RALYL: variants seen among roughly 807,000 people sequenced by gnomAD.
The protein encoded by RALYL is RNA-binding Raly-like protein.
In RALYL, 29 loss-of-function variants were observed where a neutral mutation model predicts 35.1. That is an observed-to-expected ratio of 0.83 (90% CI 0.61 to 1.13). The LOEUF (loss-of-function observed/expected upper bound fraction) is 1.13, where lower values mean the gene tolerates loss of function less well. Among genes scored for constraint, RALYL ranks in the 50% most tolerant of loss-of-function variants. The pLI, the probability that RALYL is intolerant of heterozygous loss-of-function variation, is 0.00. For synonymous variants in RALYL, 120 were observed against 127.6 expected (o/e 0.94, Z 0.40); for missense variants, 359 against 360.4 (o/e 1.00, Z 0.03).
At chr8:84,217,442 A>T (rs1291704800) in intron 1 of RALYL, among the ~76,000 whole-genome samples, 1 of 152,088 alleles carries the variant, frequency 6.6e-6, no homozygotes, top group African/African-American at 2.4e-5. Flanking sequence ...TTCATTTTGT[A>T]TGTGCACCTA....
intron 2 of RALYL, among the ~76,000 whole-genome samples, chr8:84,549,549 T>C (rs2060580423): frequency 1.3e-5 from 2 of 152,122 alleles, no homozygotes; most frequent in Non-Finnish European, 2.9e-5. Context: ...TTCAAAATGT[T>C]TTGCCTCTCC....
At chr8:84,548,444 T>G (rs2060504787) in intron 2 of RALYL, among the ~76,000 whole-genome samples, 1 of 152,194 alleles carries the variant, frequency 6.6e-6, no homozygotes, top group Admixed American at 6.5e-5. Context: ...TTAGCACATG[T>G]TGAAATTATG....
At chr8:84,837,901 G>A (rs1380072730) in intron 4 of RALYL, among the ~76,000 whole-genome samples, 1 of 152,184 alleles carries the variant, frequency 6.6e-6, no homozygotes, top group Non-Finnish European at 1.5e-5. Context: ...ATGCTTCCAA[G>A]CAATAGAAAC....
chr8:84,879,683 A>AGGTAGG (rs1370914035), intron 7 of RALYL, among the ~76,000 whole-genome samples: 4 of 152,118 alleles, frequency 2.6e-5, no homozygotes, highest in African/African-American at 7.2e-5. Context: ...AGGTAGGAAC[A>AGGTAGG]AAACGCTGCT....
At chr8:84,729,732 A>C (rs1037932681) in intron 2 of RALYL, among the ~76,000 whole-genome samples, 11 of 151,992 alleles carry the variant, frequency 7.2e-5, no homozygotes, top group Non-Finnish European at 1.6e-4. Context: ...AATACAAACT[A>C]CCATCAGAGA....
intron 2 of RALYL, among the ~76,000 whole-genome samples, chr8:84,598,655 T>C (rs993567170): frequency 3.9e-5 from 6 of 152,170 alleles, no homozygotes; most frequent in Non-Finnish European, 1.5e-5. Context: ...CAACTAACAA[T>C]AGTCTTTTAG....
chr8:84,690,011 T>C (rs1383448488), intron 2 of RALYL, among the ~76,000 whole-genome samples: 2 of 152,116 alleles, frequency 1.3e-5, no homozygotes, highest in Non-Finnish European at 2.9e-5. Flanking sequence ...AGCTACATCA[T>C]CCAGTAATTA....
At chr8:84,454,203 A>G (rs1347873801) in intron 1 of RALYL, among the ~76,000 whole-genome samples, 2 of 151,992 alleles carry the variant, frequency 1.3e-5, no homozygotes, top group Non-Finnish European at 1.5e-5. Flanking sequence ...CATGGATGGA[A>G]AGCTAGCTAG....
chr8:84,456,190 C>T (rs2050113828), intron 1 of RALYL, among the ~76,000 whole-genome samples: 1 of 151,956 alleles, frequency 6.6e-6, no homozygotes, highest in African/African-American at 2.4e-5. Flanking sequence ...CTCACTGGTG[C>T]CTAGCACAGA....
At chr8:84,718,900 A>G (rs1403572101) in intron 2 of RALYL, among the ~76,000 whole-genome samples, 1 of 152,214 alleles carries the variant, frequency 6.6e-6, no homozygotes. Context: ...ATTTCAGATT[A>G]GTATATGATA....
intron 2 of RALYL, among the ~76,000 whole-genome samples, chr8:84,653,022 G>T (rs1307281626): frequency 6.6e-6 from 1 of 152,028 alleles, no homozygotes; most frequent in African/African-American, 2.4e-5. Flanking sequence ...CAGGATACTT[G>T]CATAAATCTC....
intron 2 of RALYL, among the ~76,000 whole-genome samples, chr8:84,735,852 G>A (rs1442393950): frequency 6.7e-6 from 1 of 148,462 alleles, no homozygotes; most frequent in Non-Finnish European, 1.5e-5. Flanking sequence ...GAGAGAGAAC[G>A]AGAACACACA....
chr8:84,603,923 G>T (rs929887698), intron 2 of RALYL, among the ~76,000 whole-genome samples: 2 of 151,604 alleles, frequency 1.3e-5, no homozygotes, highest in South Asian at 2.1e-4. Flanking sequence ...CTTTTATCAG[G>T]TTTTTTTTGT....
intron 4 of RALYL, among the ~76,000 whole-genome samples, chr8:84,832,491 A>G (rs1404163137): frequency 6.6e-6 from 1 of 152,096 alleles, no homozygotes; most frequent in Non-Finnish European, 1.5e-5. Context: ...GTTTTGGAAA[A>G]AGTATTGTTT....
intron 4 of RALYL, among the ~76,000 whole-genome samples, chr8:84,824,813 CAGA>C (rs1829311203): frequency 1.3e-5 from 2 of 152,114 alleles, no homozygotes; most frequent in South Asian, 4.1e-4. Flanking sequence ...TAACCATATG[CAGA>C]AGAATGAATC....
chr8:84,576,664 T>C (rs187689399), intron 2 of RALYL, among the ~76,000 whole-genome samples: 7 of 152,332 alleles, frequency 4.6e-5, no homozygotes, highest in African/African-American at 1.4e-4. Context: ...TCACAGTGCC[T>C]AACTCATAGC....
chr8:84,878,317 A>G (rs1285716813), intron 7 of RALYL, among the ~76,000 whole-genome samples: 1 of 152,134 alleles, frequency 6.6e-6, no homozygotes, highest in African/African-American at 2.4e-5. Flanking sequence ...CTCAGCTACC[A>G]CAGCACTGGC....
intron 2 of RALYL, among the ~76,000 whole-genome samples, chr8:84,569,129 A>G (rs1431049139): frequency 6.6e-6 from 1 of 151,838 alleles, no homozygotes. Flanking sequence ...GCCCATGCCT[A>G]TGTCCTGAAT....
At chr8:84,345,755 C>T (rs1849723194) in intron 1 of RALYL, among the ~76,000 whole-genome samples, 1 of 152,052 alleles carries the variant, frequency 6.6e-6, no homozygotes, top group African/African-American at 2.4e-5. Context: ...AGGCACTATG[C>T]TAGATACAAG....
Sources: gnomAD v4.1 joint callset for allele counts (sites outside exome capture counted in the v4.1 genomes callset) on GRCh38, gnomAD v4.1.1 for gene constraint, MANE v1.5 for transcripts, NCBI Gene and HGNC (gene_info 2026-07-23, HGNC 2026-07-21) for gene names.